Variants in SLC35F2 observed in about 807,000 individuals in gnomAD.
SLC35F2 encodes the protein queuine/queuosine transporter SLC35F2.
In SLC35F2, 25 loss-of-function variants were observed where a neutral mutation model predicts 38.1. The observed-to-expected ratio is 0.66, with a 90% CI of 0.48 to 0.92. The LOEUF is 0.92. Among genes scored for constraint, SLC35F2 ranks in the 40% least tolerant of loss-of-function variants. The pLI is 0.00. For synonymous variants in SLC35F2, 173 were observed against 181.7 expected, an observed-to-expected ratio of 0.95 and a Z score of 0.38; for missense variants, 409 against 452.9, an observed-to-expected ratio of 0.90 and a Z score of 0.88.
chr11:107,818,070 AAAAAAGAAAGAAAGAAAGAAAG>A (rs1309957161), intron 1 of SLC35F2, among the ~76,000 whole-genome samples: 22 of 126,196 alleles, frequency 1.7e-4, no homozygotes, highest in East Asian at 5.1e-4. Flanking sequence ...AAAAAAAAAA[AAAAAAGAAAGAAAGAAAGAAAG>A]AAAGAAAGAA....
chr11:107,817,124 A>T (rs1223928933), intron 1 of SLC35F2, among the ~76,000 whole-genome samples: 1 of 151,990 alleles, frequency 6.6e-6, no homozygotes, highest in Non-Finnish European at 1.5e-5. Context: ...AAAACTACAA[A>T]CATTAGCGGG....
intron 4 of SLC35F2, among the ~76,000 whole-genome samples, chr11:107,806,276 A>G (rs897256019): frequency 6.6e-6 from 1 of 152,240 alleles, no homozygotes; most frequent in Non-Finnish European, 1.5e-5. Flanking sequence ...GTCAATTTGA[A>G]AAATGGGAAC....
At chr11:107,799,893 G>T (rs74474916) in intron 7 of SLC35F2, among the ~76,000 whole-genome samples, 8,363 of 135,746 alleles carry the variant, frequency 0.062, 280 homozygotes, top group East Asian at 0.2. Flanking sequence ...GTTTGTTTTT[G>T]TTTTTTTTTT....
chr11:107,819,334 G>T (rs760517326), intron 1 of SLC35F2, among the ~76,000 whole-genome samples: 1 of 152,188 alleles, frequency 6.6e-6, no homozygotes, highest in Non-Finnish European at 1.5e-5. Flanking sequence ...ACTCTCCAAA[G>T]GGAAGGTGAT....
intron 1 of SLC35F2, among the ~76,000 whole-genome samples, chr11:107,849,641 GAAAAA>G (rs59636290): frequency 1.4e-5 from 2 of 138,590 alleles, no homozygotes; most frequent in Non-Finnish European, 3.0e-5. Context: ...TCCGTTTTGG[GAAAAA>G]AAAAAAAAAA....
At chr11:107,846,651 G>A (rs751799602) in intron 1 of SLC35F2, among the ~76,000 whole-genome samples, 11 of 152,128 alleles carry the variant, frequency 7.2e-5, no homozygotes, top group Non-Finnish European at 1.5e-4. Context: ...TGAATTTTAG[G>A]CTGGGAGCAG....
At chr11:107,817,177 G>A (rs962026093) in intron 1 of SLC35F2, among the ~76,000 whole-genome samples, 8 of 152,106 alleles carry the variant, frequency 5.3e-5, no homozygotes, top group Non-Finnish European at 1.0e-4. Flanking sequence ...TCGGGAGGCT[G>A]AGGCATGAGA....
chr11:107,808,202 A>G (rs560937157), intron 3 of SLC35F2, among the ~76,000 whole-genome samples: 1 of 152,010 alleles, frequency 6.6e-6, no homozygotes, highest in Non-Finnish European at 1.5e-5. Flanking sequence ...CATGGCAAAT[A>G]CTCTTGCTCA....
intron 1 of SLC35F2, among the ~76,000 whole-genome samples, chr11:107,846,827 G>A (rs1860110136): frequency 6.6e-6 from 1 of 151,988 alleles, no homozygotes; most frequent in African/African-American, 2.4e-5. Flanking sequence ...CTACTCAGGA[G>A]GCTGAGGCAG....
intron 1 of SLC35F2, among the ~76,000 whole-genome samples, chr11:107,837,525 T>TA (rs57873203): frequency 0.018 from 2,226 of 121,816 alleles, 46 homozygotes; most frequent in African/African-American, 0.045. Flanking sequence ...CTGTCTCTAC[T>TA]AAAAAAAAAA....
At chr11:107,805,246 C>T in intron 5 of SLC35F2, 113 bp downstream of exon 5, 1 of 1,402,788 alleles carries the variant, frequency 7.1e-7, no homozygotes, top group Non-Finnish European at 9.4e-7. Context: ...CTTGCATCCA[C>T]CTAATACTAA....
At chr11:107,822,085 C>CA (rs897975303) in intron 1 of SLC35F2, among the ~76,000 whole-genome samples, 22 of 151,978 alleles carry the variant, frequency 1.4e-4, no homozygotes, top group African/African-American at 4.8e-4. Context: ...TGGAAAAATA[C>CA]AAAAAAAATT....
chr11:107,817,563 G>A (rs2134797180), intron 1 of SLC35F2, among the ~76,000 whole-genome samples: 1 of 152,124 alleles, frequency 6.6e-6, no homozygotes, highest in East Asian at 1.9e-4. Flanking sequence ...AAACCTTTCG[G>A]TGGCTGGTTC....
intron 1 of SLC35F2, among the ~76,000 whole-genome samples, chr11:107,854,352 G>C (rs760347616): frequency 6.6e-6 from 1 of 151,834 alleles, no homozygotes; most frequent in Non-Finnish European, 1.5e-5. Flanking sequence ...AGGATCACTT[G>C]AGCCACGGAG....
chr11:107,810,392 A>C, intron 3 of SLC35F2: 1 of 984,950 alleles, frequency 1.0e-6, no homozygotes, highest in Non-Finnish European at 1.2e-6. Flanking sequence ...AAAACTTTTT[A>C]TCATTAGTTA....
intron 1 of SLC35F2, among the ~76,000 whole-genome samples, chr11:107,825,611 C>T (rs894665021): frequency 1.1e-4 from 16 of 151,836 alleles, no homozygotes; most frequent in Non-Finnish European, 1.3e-4. Context: ...CCTCGTGATC[C>T]GCCCACCTCG....
chr11:107,856,909 G>GGAAGGA (rs1860296300), intron 1 of SLC35F2, among the ~76,000 whole-genome samples: 4 of 39,882 alleles, frequency 1.0e-4, no homozygotes, highest in African/African-American at 4.0e-4. Context: ...GGAAGGAAGG[G>GGAAGGA]AGGGAGGGAG....
At chr11:107,811,279 C>A (rs1200820688) in intron 3 of SLC35F2, 1 of 984,016 alleles carries the variant, frequency 1.0e-6, no homozygotes, top group Non-Finnish European at 1.2e-6. Flanking sequence ...CCAATGGTTT[C>A]TTTGTCATGA....
chr11:107,832,482 T>G (rs1161207724), intron 1 of SLC35F2, among the ~76,000 whole-genome samples: 2 of 152,228 alleles, frequency 1.3e-5, no homozygotes, highest in Non-Finnish European at 2.9e-5. Flanking sequence ...CTTTTTATTC[T>G]GTACATACTA....
Sources: allele counts gnomAD v4.1 joint callset (sites outside exome capture counted in the v4.1 genomes callset), GRCh38; gene constraint gnomAD v4.1.1; transcripts MANE v1.5; gene names NCBI Gene and HGNC (gene_info 2026-07-23, HGNC 2026-07-21).